Variants in ZNF19 observed in about 807,000 individuals in gnomAD.
ZNF19 encodes zinc finger protein 19 (KOX 12).
In ZNF19, 11 loss-of-function variants were observed where a neutral mutation model predicts 13.1. The observed-to-expected ratio is 0.84, with a 90% CI of 0.53 to 1.39. The LOEUF is 1.39. ZNF19 is among the 40% of genes most tolerant of loss of function. The pLI is 0.00. For synonymous variants in ZNF19, 186 were observed against 187.0 expected (o/e 0.99, Z 0.04); for missense variants, 560 against 547.0 (o/e 1.02, Z -0.24).
chr16:71,481,929 CT>C lies in ZNF19; in HGVS notation c.33+152del, dbSNP rs540863143. Reference sequence around the variant, plus strand: ...TCTCCTGTTTCCATCTTCACTGCCCCTAGCTCTTTCCCCAGCACCCAGTCCT... The same window carrying C: ...TCTCCTGTTTCCATCTTCACTGCCCCAGCTCTTTCCCCAGCACCCAGTCCT... On this transcript the variant is annotated intron_variant, in intron 3 of 5. Coordinates refer to ENST00000288177, the MANE Select transcript of ZNF19 (RefSeq NM_006961.4). 3.0e-3 allele frequency among the ~76,000 whole-genome samples: 451 copies of C among 152,296 alleles called. 2 individuals are homozygous for C. Among genetic ancestry groups the C allele is most frequent in the Non-Finnish European group, 5.1e-3 (345 of 68,008 alleles).
At chr16:71,481,739 G>A (rs1326646808) in intron 3 of ZNF19, among the ~76,000 whole-genome samples, 1 of 152,136 alleles carries the variant, frequency 6.6e-6, no homozygotes, top group African/African-American at 2.4e-5. Context: ...TGCCCTTGCT[G>A]ATCTTAGTCA....
rs1034073175 is a variant in ZNF19, at chr16:71,475,705, G to C, written c.842C>G (p.Ala281Gly). The part of the protein sequence containing the change: ...KPYECNECGK[A>G]FVGNSPLLRH... The stretch of plus-strand genomic sequence containing the variant: ...AAGTAGGGGTGAATTACCAACAAAA[G>C]CTTTGCCACACTCATTACACTCATA... Residue 281 changes from alanine to glycine, a missense_variant, in exon 6 of 6, where the codon GCT (alanine) becomes GGT (glycine). Transcript: ENST00000288177. The C allele has an allele frequency of 6.2e-6, 10 of 1,612,440 alleles. No individual in the cohort carries two copies. Among genetic ancestry groups the C allele is most frequent in the Non-Finnish European group, 8.5e-6 (10 of 1,178,790 alleles).
rs2043664523 is a variant in ZNF19 at position 71,484,766 on chromosome 16, GT to G, written c.-189-19del. 1 of 982,694 alleles carries G rather than the reference GT, an allele frequency of 1.0e-6. No individual in the cohort carries two copies. The highest frequency in any genetic ancestry group is 6.2e-5 in the Admixed American group (1 of 16,260). The allele number at this position is 982,694 out of a possible 1,614,324, so 60.9% of individuals were successfully genotyped here. On this transcript the variant is annotated intron_variant, in intron 1 of 5. Transcript: ENST00000288177. ...TCAGAGACCTTGAATAGGAAAGAAAGTATATCATTGTTTTCGCTAATCTCTA... is the reference window on the plus strand; with the variant it reads ...TCAGAGACCTTGAATAGGAAAGAAAGATATCATTGTTTTCGCTAATCTCTA...
At position 71,481,083 on chromosome 16, in the gene ZNF19, G is replaced by A. The variant is rs567305989; in HGVS notation, c.33+999C>T. On this transcript the variant is annotated intron_variant, in intron 3 of 5. Transcript: ENST00000288177. ...GCAGAGAGAGAAGGAAAAACAACAA[G>A]ACTTTGTGTCTCTCTGGAAATGGTA... Among the ~76,000 whole-genome samples the A allele has an allele frequency of 3.9e-5, 6 of 152,328 alleles. No individual in the cohort carries two copies. In the East Asian group the frequency reaches 1.2e-3, roughly 29 times the overall value.
At chr16:71,487,425 G>A (rs2043686806) in intron 1 of ZNF19, 1 of 153,568 alleles carries the variant, frequency 6.5e-6, no homozygotes, top group Non-Finnish European at 1.4e-5. Flanking sequence ...GGAACTGTTA[G>A]CCAATTAAAC....
rs146711122 is a variant in ZNF19 at position 71,476,257 on chromosome 16, A to G, written c.290T>C (p.Ile97Thr). 14 of 1,611,564 alleles carry G rather than the reference A, an allele frequency of 8.7e-6. No homozygotes were observed. The Admixed American group carries it at 1.0e-4, about 12-fold the overall frequency. ...KNVCKDVETN[I>T]DSESTLIQGI... ...CTGGATTAATGTGGACTCACTGTCA[A>G]TGTTGGTCTCAACATCTGACATAAG... Residue 97 changes from isoleucine to threonine, a missense_variant, in exon 6 of 6, where the codon ATT (isoleucine) becomes ACT (threonine). Transcript: ENST00000288177.
intron 2 of ZNF19, among the ~76,000 whole-genome samples, chr16:71,483,711 T>C (rs1401524713): frequency 6.6e-6 from 1 of 152,218 alleles, no homozygotes; most frequent in East Asian, 1.9e-4. Flanking sequence ...AAATTATATA[T>C]TGATTTGTGC....
At chr16:71,483,590 T>C (rs979581777) in intron 2 of ZNF19, among the ~76,000 whole-genome samples, 2 of 152,192 alleles carry the variant, frequency 1.3e-5, no homozygotes. Flanking sequence ...CAGTAATCTA[T>C]CCACCCTTCA....
Position 71,484,749 on chromosome 16 carries a change from C to T in ZNF19, c.-189-1G>A. The T allele has an allele frequency of 2.0e-6, 2 of 985,174 alleles. No homozygotes were observed. The highest frequency in any genetic ancestry group is 2.4e-6 in the Non-Finnish European group (2 of 829,714). The allele number at this position is 985,174 out of a possible 1,614,324, so 61.0% of individuals were successfully genotyped here. ...TTTCCACCCGGGGATCCTCAGAGAC[C>T]TTGAATAGGAAAGAAAGTATATCAT... On this transcript the variant is annotated splice_acceptor_variant, in intron 1 of 5. Coordinates refer to ENST00000288177, the MANE Select transcript of ZNF19 (RefSeq NM_006961.4). LOFTEE classifies it low-confidence loss of function (5UTR_SPLICE).
intron 1 of ZNF19, among the ~76,000 whole-genome samples, chr16:71,486,612 C>T (rs1439465323): frequency 1.3e-5 from 2 of 152,118 alleles, no homozygotes; most frequent in Non-Finnish European, 2.9e-5. Flanking sequence ...ACCAGTGGGA[C>T]CCATTTTGGA....
intron 3 of ZNF19, among the ~76,000 whole-genome samples, chr16:71,480,991 C>T (rs1377617958): frequency 2.0e-5 from 3 of 152,162 alleles, no homozygotes; most frequent in Admixed American, 6.5e-5. Context: ...ATCCGGGAAG[C>T]GCTGCAAACA....
chr16:71,475,719 A>G lies in ZNF19; in HGVS notation c.828T>C (p.Asn276=), dbSNP rs2043596778. The G allele has an allele frequency of 6.2e-7, 1 of 1,612,396 alleles. No homozygotes were observed. Among genetic ancestry groups the G allele is most frequent in the African/African-American group, 1.3e-5 (1 of 74,962 alleles). Residue 276 remains asparagine, a synonymous_variant, in exon 6 of 6, where the codon AAT becomes AAC. Transcript: ENST00000288177. ...TACCAACAAAAGCTTTGCCACACTCATTACACTCATAGGGTTTCTCCCCAG... is the reference window on the plus strand; with the variant it reads ...TACCAACAAAAGCTTTGCCACACTCGTTACACTCATAGGGTTTCTCCCCAG... ...IHTGEKPYEC[N]ECGKAFVGNS...
In ZNF19 at chr16:71,477,386, G is replaced by A. The variant is rs138128757; in HGVS notation, c.274+842C>T. Among the ~76,000 whole-genome samples the A allele has an allele frequency of 4.5e-4, 68 of 152,166 alleles. 1 individual carries two copies. In the East Asian group the frequency reaches 0.013, roughly 29 times the overall value. On this transcript the variant is annotated intron_variant, in intron 5 of 5. Coordinates refer to ENST00000288177, the MANE Select transcript of ZNF19 (RefSeq NM_006961.4). ...TCTTAGAATAAGAGGCTGAAGTGCT[G>A]TGCTAGCTTCATTATTTTCCACGTA...
chr16:71,477,165 T>C (rs1221699268), intron 5 of ZNF19, among the ~76,000 whole-genome samples: 2 of 152,210 alleles, frequency 1.3e-5, no homozygotes, highest in Non-Finnish European at 2.9e-5. Context: ...ACTCATGTGA[T>C]GGTTAATCAA....
In ZNF19 at chr16:71,478,006, C is replaced by T. The variant is rs1324144001; in HGVS notation, c.274+222G>A. 1.0e-5 allele frequency: 5 copies of T among 490,424 alleles called. No homozygotes were observed. The Admixed American group carries it at 1.1e-4, about 11-fold the overall frequency. The allele number at this position is 490,424 out of a possible 1,614,324, so 30.4% of individuals were successfully genotyped here. On this transcript the variant is annotated intron_variant, in intron 5 of 5. Transcript: ENST00000288177. ...AACCAAGGAGGACAACTAAGGTAGG[C>T]AATGTTGAAACTCAGAAAGGAACAA... is the stretch of plus-strand genomic sequence containing the variant.
chr16:71,485,845 G>A (rs1004220195), intron 1 of ZNF19, among the ~76,000 whole-genome samples: 3 of 152,052 alleles, frequency 2.0e-5, no homozygotes, highest in African/African-American at 7.2e-5. Context: ...ACCACAATCA[G>A]TTTCAGGACA....
chr16:71,483,368 T>C (rs917887876), intron 2 of ZNF19, among the ~76,000 whole-genome samples: 2 of 152,256 alleles, frequency 1.3e-5, no homozygotes, highest in African/African-American at 4.8e-5. Context: ...ACTTAATGCA[T>C]GATGCTGTTT....
In ZNF19 at chr16:71,479,300, G is replaced by A. The variant is rs370460007; in HGVS notation, c.34-295C>T. On this transcript the variant is annotated intron_variant, in intron 3 of 5. Coordinates refer to ENST00000288177, the MANE Select transcript of ZNF19 (RefSeq NM_006961.4). ...GTCTCTTATTAGTTAACCTTCCTAG[G>A]GCAAAAATCTCTTTGATTTAGTAAA... 5.3e-4 allele frequency among the ~76,000 whole-genome samples: 80 copies of A among 152,138 alleles called. No homozygotes were observed. The South Asian group carries it at 0.016, about 31-fold the overall frequency.
intron 5 of ZNF19, among the ~76,000 whole-genome samples, chr16:71,477,145 G>T (rs1000532036): frequency 1.3e-5 from 2 of 152,158 alleles, no homozygotes; most frequent in African/African-American, 2.4e-5. Flanking sequence ...ATTAATGTGG[G>T]TTACCTGGGA....
Sources: allele counts gnomAD v4.1 joint callset (sites outside exome capture counted in the v4.1 genomes callset), GRCh38; gene constraint gnomAD v4.1.1; transcripts MANE v1.5; gene names NCBI Gene and HGNC (gene_info 2026-07-23, HGNC 2026-07-21).